The following ADCK2 variants were observed in gnomAD, a reference collection of about 807,000 sequenced individuals.
ADCK2 encodes the protein uncharacterized aarF domain-containing protein kinase 2.
In ADCK2, 37 loss-of-function variants were observed where a neutral mutation model predicts 52.3. The ratio of observed to expected loss-of-function variants is 0.71; its 90% CI spans 0.54 to 0.93. ADCK2 has a LOEUF of 0.93. Ranked by LOEUF, ADCK2 falls within the 40% of genes least tolerant of loss-of-function variation. The pLI, the probability that ADCK2 is intolerant of heterozygous loss-of-function variation, is 0.00. For missense variants in ADCK2, 695 were observed against 798.7 expected (o/e 0.87, Z 1.56); for synonymous variants, 321 against 349.2 (o/e 0.92, Z 0.90).
At chr7:140,679,958 G>A (rs1037779812) in intron 3 of ADCK2, among the ~76,000 whole-genome samples, 1 of 152,134 alleles carries the variant, frequency 6.6e-6, no homozygotes, top group Non-Finnish European at 1.5e-5. Context: ...ACAGGCATGA[G>A]CCACTGCACC....
rs1311887903 is a variant in ADCK2 at position 140,673,133 on chromosome 7, G to T, written c.-198G>T. The T allele has an allele frequency of 3.4e-6, 1 of 296,508 alleles. No individual in the cohort carries two copies. Among genetic ancestry groups the T allele is most frequent in the Non-Finnish European group, 6.2e-6 (1 of 162,448 alleles). The allele number at this position is 296,508 out of a possible 1,614,324, so 18.4% of individuals were successfully genotyped here. ...AGCCCCTTCCGCGCGGCGCGGCGCG[G>T]CGCGGCGGGTGTCGGGCGGGGCGCG... On this transcript the variant is annotated 5_prime_UTR_variant, in exon 1 of 8. Coordinates refer to ENST00000072869, the MANE Select transcript of ADCK2 (RefSeq NM_052853.4). The surrounding 1 kb of genome is among the most constrained non-coding windows in gnomAD (Gnocchi z 6.4).
At chr7:140,683,846 A>C (rs1448581258) in intron 4 of ADCK2, among the ~76,000 whole-genome samples, 3 of 152,188 alleles carry the variant, frequency 2.0e-5, no homozygotes, top group African/African-American at 7.2e-5. Flanking sequence ...CCAGCAATAG[A>C]CTGAGAAACC....
rs1333586745 is a variant in ADCK2 at position 140,678,546 on chromosome 7, G to A, written c.1081-609G>A. On this transcript the variant is annotated intron_variant, in intron 2 of 7. Transcript: ENST00000072869. The surrounding 1 kb of genome is among the most constrained non-coding windows in gnomAD (Gnocchi z 4.9). ...CCCAGCCAAGACAGGACAGCGAGAG[G>A]CAGCAGGGGTGCCAGGAGAGTGAAG... 1.3e-5 allele frequency among the ~76,000 whole-genome samples: 2 copies of A among 152,150 alleles called. No individual in the cohort carries two copies. The highest frequency in any genetic ancestry group is 1.3e-4 in the Admixed American group (2 of 15,278).
Position 140,692,650 on chromosome 7 carries a change from C to T in ADCK2, c.1740+1837C>T, listed in dbSNP as rs548959253. Among the ~76,000 whole-genome samples, 22 of 152,350 alleles carry T rather than the reference C, an allele frequency of 1.4e-4. No homozygotes were observed. The South Asian group carries it at 2.7e-3, about 19-fold the overall frequency. ...CTGCGATGACAGGCGTGAGCCACCG[C>T]GCTTGGCCTGTTATTCTGTTGATGC... On this transcript the variant is annotated intron_variant, in intron 7 of 7. Transcript: ENST00000072869.
chr7:140,682,689 T>C (rs1261621079), intron 4 of ADCK2, among the ~76,000 whole-genome samples: 1 of 151,890 alleles, frequency 6.6e-6, no homozygotes, highest in Non-Finnish European at 1.5e-5. Flanking sequence ...GTGCCCAGAT[T>C]AAAACATAGG....
At chr7:140,687,387 C>T (rs1794624020) in intron 5 of ADCK2, 146 bp downstream of exon 5, 1 of 1,118,676 alleles carries the variant, frequency 8.9e-7, no homozygotes, top group African/African-American at 1.6e-5. Flanking sequence ...CAAGGCCAGC[C>T]TGAGCAACAT....
intron 5 of ADCK2, among the ~76,000 whole-genome samples, 188 bp from the exon 6 acceptor site, chr7:140,689,409 G>A (rs1383640102): frequency 6.6e-6 from 1 of 152,206 alleles, no homozygotes; most frequent in Admixed American, 6.5e-5. Context: ...GCGCAGTGCA[G>A]CGGGGGTGGG....
rs1794777308 is a variant in ADCK2 at position 140,695,088 on chromosome 7, C to T, written c.*285C>T. ...AGGGAAAATGTTATGTGGAGGAGGA[C>T]GAATAAATTTATTTTGTTTTCCTGT... is the stretch of plus-strand genomic sequence containing the variant. On this transcript the variant is annotated 3_prime_UTR_variant, in exon 8 of 8. Coordinates refer to ENST00000072869, the MANE Select transcript of ADCK2 (RefSeq NM_052853.4). 12 of 1,162,348 alleles carry T rather than the reference C, an allele frequency of 1.0e-5. No individual in the cohort carries two copies. Among genetic ancestry groups the T allele is most frequent in the East Asian group, 4.4e-5 (1 of 22,776 alleles). 72.0% of individuals were successfully genotyped at this position (1,162,348 alleles called of 1,614,324 possible). A position where few individuals can be genotyped will look rare whatever the true frequency, so the allele number is the denominator to read the frequency against.
At chr7:140,679,099 T>A (rs1794471558) in intron 2 of ADCK2, 56 bp from the exon 3 acceptor site, 1 of 1,592,502 alleles carries the variant, frequency 6.3e-7, no homozygotes. Flanking sequence ...GCATTGCAGA[T>A]GTCACTGTGC....
Position 140,673,682 on chromosome 7 carries a change from C to G in ADCK2, c.352C>G (p.Pro118Ala), listed in dbSNP as rs546451203. The G allele has an allele frequency of 2.5e-6, 4 of 1,611,652 alleles. No individual in the cohort carries two copies. Among genetic ancestry groups the G allele is most frequent in the African/African-American group, 1.3e-5 (1 of 74,874 alleles). Residue 118 changes from proline (P) to alanine (A), a missense_variant, in exon 1 of 8, where the codon CCC becomes GCC. By Grantham distance (27) the Pro-to-Ala change is conservative. Coordinates refer to ENST00000072869, the MANE Select transcript of ADCK2 (RefSeq NM_052853.4). The surrounding 1 kb of genome is among the most constrained non-coding windows in gnomAD (Gnocchi z 6.4). ...VKFFPLLLLY[P>A]LTYLAPSVST... is the part of the protein sequence containing the mutation. ...ATTCTTCCCCCTCCTACTCCTCTAC[C>G]CCCTCACCTACCTGGCTCCCAGCGT...
In ADCK2 at chr7:140,674,375, G is replaced by A; in HGVS notation, c.933+112G>A. The A allele has an allele frequency of 8.1e-7, 1 of 1,240,750 alleles. No homozygotes were observed. Among genetic ancestry groups the A allele is most frequent in the Non-Finnish European group, 1.1e-6 (1 of 908,512 alleles). 76.9% of individuals were successfully genotyped at this position (1,240,750 alleles called of 1,614,324 possible). ...ATTTCTATTTGCCTGACCAATATCT[G>A]AGTGCTTATTTCATGCAAGCTGTTT... On this transcript the variant is annotated intron_variant, in intron 1 of 7. Transcript: ENST00000072869. The surrounding 1 kb of genome is among the most constrained non-coding windows in gnomAD (Gnocchi z 4.6).
chr7:140,673,511 G>T lies in ADCK2; in HGVS notation c.181G>T (p.Ala61Ser). 1 of 1,601,156 alleles carries T rather than the reference G, an allele frequency of 6.2e-7. No individual in the cohort carries two copies. Residue 61 changes from alanine to serine, a missense_variant, in exon 1 of 8, where the codon GCC (alanine) becomes TCC (serine). By Grantham distance (99) the Ala-to-Ser change is moderately conservative. Coordinates refer to ENST00000072869, the MANE Select transcript of ADCK2 (RefSeq NM_052853.4). This position sits in a 1 kb window ranked among gnomAD's most constrained non-coding sequence, Gnocchi z 6.4. ...VSLCGDVGEG[A>S]PDVLSRRRVR... The stretch of plus-strand genomic sequence containing the variant: ...CCTGTGCGGGGACGTGGGTGAGGGG[G>T]CCCCTGACGTTCTGAGTCGGCGAAG...
chr7:140,690,251 GGA>G (rs1173106068), intron 6 of ADCK2, among the ~76,000 whole-genome samples: 4 of 152,092 alleles, frequency 2.6e-5, no homozygotes, highest in African/African-American at 7.2e-5. Context: ...CACCCAGGTT[GGA>G]GTGTAGTGAT....
chr7:140,693,857 CTGCCACCA>C lies in ADCK2; in HGVS notation c.1741-801_1741-794del, dbSNP rs1454618120. On this transcript the variant is annotated intron_variant, in intron 7 of 7. Coordinates refer to ENST00000072869, the MANE Select transcript of ADCK2 (RefSeq NM_052853.4). The surrounding 1 kb of genome is among the most constrained non-coding windows in gnomAD (Gnocchi z 4.0). Reference sequence around the variant, plus strand: ...CCCGAGTAGCTGAGACCACAGGCGCCTGCCACCATGCCCGGCTGATTTTTTGTATTTTT... The same window carrying C: ...CCCGAGTAGCTGAGACCACAGGCGCCTGCCCGGCTGATTTTTTGTATTTTT... 2.0e-5 allele frequency among the ~76,000 whole-genome samples: 3 copies of C among 152,138 alleles called. No individual in the cohort carries two copies. Among genetic ancestry groups the C allele is most frequent in the African/African-American group, 7.2e-5 (3 of 41,432 alleles).
Position 140,689,625 on chromosome 7 carries a change from A to T in ADCK2, c.1586A>T (p.His529Leu). The T allele has an allele frequency of 6.2e-7, 1 of 1,611,544 alleles. No individual in the cohort carries two copies. The highest frequency in any genetic ancestry group is 8.5e-7 in the Non-Finnish European group (1 of 1,178,568). ...QGQRVAELIL[H>L]HARASECRDV... ...CAGAGAGTGGCTGAGCTGATCCTGCATCATGCCCGGGCCAGCGAGTGCAGG... is the reference window on the plus strand; with the variant it reads ...CAGAGAGTGGCTGAGCTGATCCTGCTTCATGCCCGGGCCAGCGAGTGCAGG... The change falls in exon 6 of 8, where the codon CAT (histidine) becomes CTT (leucine). Residue 529 changes from histidine (H) to leucine (L), a missense_variant. By Grantham distance (99) the His-to-Leu change is moderately conservative. Coordinates refer to ENST00000072869, the MANE Select transcript of ADCK2 (RefSeq NM_052853.4).
chr7:140,679,228 TC>T lies in ADCK2; in HGVS notation c.1158del (p.Thr387ProfsTer34). The T allele has an allele frequency of 6.2e-7, 1 of 1,613,840 alleles. No homozygotes were observed. Among genetic ancestry groups the T allele is most frequent in the Non-Finnish European group, 8.5e-7 (1 of 1,179,952 alleles). ...TTCCGGAATGTGAAAGCCGTCAAGT[TC>T]CCCACCCCTCTGCGCCCCTTTGTCA... The part of the protein sequence containing the change: ...VNFRNVKAVK[F>X]PTPLRPFVTR... On this transcript the variant is annotated frameshift_variant, in exon 3 of 8. Coordinates refer to ENST00000072869, the MANE Select transcript of ADCK2 (RefSeq NM_052853.4). LOFTEE classifies it high-confidence loss of function.
At chr7:140,685,176 T>C (rs2930317) in intron 4 of ADCK2, among the ~76,000 whole-genome samples, 9,361 of 152,136 alleles carry the variant, frequency 0.062, 294 homozygotes, top group Non-Finnish European at 0.07. Context: ...AGGCCAGGCA[T>C]GGTGGCTCAC....
intron 7 of ADCK2, among the ~76,000 whole-genome samples, chr7:140,691,017 C>T (rs1297774641): frequency 2.6e-5 from 4 of 152,072 alleles, no homozygotes; most frequent in Non-Finnish European, 4.4e-5. Flanking sequence ...CCTCTGCTTC[C>T]TGGCTTCCAG....
intron 3 of ADCK2, among the ~76,000 whole-genome samples, chr7:140,680,754 C>T (rs371496860): frequency 2.6e-5 from 4 of 152,040 alleles, no homozygotes; most frequent in Admixed American, 6.6e-5. Context: ...AGTGCAGTGG[C>T]GCAATCTCAG....
Sources: allele counts gnomAD v4.1 joint callset (sites outside exome capture counted in the v4.1 genomes callset), GRCh38; gene constraint gnomAD v4.1.1; non-coding constraint Gnocchi (gnomAD v3.1); transcripts MANE v1.5; gene names NCBI Gene and HGNC (gene_info 2026-07-23, HGNC 2026-07-21).